LGR6: variants seen among roughly 807,000 people sequenced by gnomAD.
LGR6 encodes the protein leucine rich repeat containing G protein-coupled receptor 6.
In LGR6, 45 loss-of-function variants were observed where a neutral mutation model predicts 69.4. The ratio of observed to expected loss-of-function variants is 0.65; its 90% CI spans 0.51 to 0.83. LGR6 has a LOEUF of 0.83. Ranked by LOEUF, LGR6 falls within the 40% of genes least tolerant of loss-of-function variation. LGR6 has a pLI of 0.00. For missense variants in LGR6, 1,108 were observed against 1,246.7 expected, an observed-to-expected ratio of 0.89 and a Z score of 1.68; for synonymous variants, 538 against 555.0, an observed-to-expected ratio of 0.97 and a Z score of 0.43.
At chr1:202,254,217 A>T (rs908172683) in intron 4 of LGR6, among the ~76,000 whole-genome samples, 2 of 152,136 alleles carry the variant, frequency 1.3e-5, no homozygotes, top group African/African-American at 4.8e-5. Context: ...GAGTGCTGGG[A>T]TTACAGGCAT....
intron 3 of LGR6, among the ~76,000 whole-genome samples, chr1:202,228,950 C>T (rs779020511): frequency 2.0e-5 from 3 of 152,112 alleles, no homozygotes; most frequent in Non-Finnish European, 4.4e-5. Flanking sequence ...TACAGTTGAG[C>T]AGGTTGTTCA....
intron 4 of LGR6, among the ~76,000 whole-genome samples, chr1:202,238,671 CGTCGGCCTCCCAAAGTGCTGG>C (rs1270703734): frequency 3.9e-5 from 6 of 151,912 alleles, no homozygotes; most frequent in Non-Finnish European, 7.4e-5. Flanking sequence ...GATTCACCTG[CGTCGGCCTCCCAAAGTGCTGG>C]GATTACAGGC....
In LGR6 at chr1:202,318,139, C is replaced by T. The variant is rs1224942248; in HGVS notation, c.1836C>T (p.Gly612=). 8.7e-6 allele frequency: 14 copies of T among 1,614,158 alleles called. No individual in the cohort carries two copies. Among genetic ancestry groups the T allele is most frequent in the Middle Eastern group, 1.6e-4 (1 of 6,062 alleles). The change falls in exon 18 of 18, where the codon GGC becomes GGT. Residue 612 remains glycine, a synonymous_variant. Coordinates refer to ENST00000367278, the MANE Select transcript of LGR6 (RefSeq NM_001017403.2). ...TTGCAGGCGCCAACACCTTGACTGG[C>T]ATTTCCTGTGGCCTTCTAGCCTCAG... ...GAIAGANTLT[G]ISCGLLASVD... is the part of the protein sequence containing the mutation.
rs1029770577 is a variant in LGR6 at position 202,276,348 on chromosome 1, C to G, written c.471C>G (p.Ser157Arg). Residue 157 changes from serine to arginine, a missense_variant, in exon 5 of 18, where the codon AGC becomes AGG. Ser to Arg is a moderately radical substitution (Grantham distance 110). Coordinates refer to ENST00000367278, the MANE Select transcript of LGR6 (RefSeq NM_001017403.2). ...TCATCTCCCTGGTCCCGGAGAGGAGCTTTGAGGGGCTGTCCTCCCTCCGCC... is the reference window on the plus strand; with the variant it reads ...TCATCTCCCTGGTCCCGGAGAGGAGGTTTGAGGGGCTGTCCTCCCTCCGCC... ...ANLISLVPER[S>R]FEGLSSLRHL... 5 of 1,614,198 alleles carry G rather than the reference C, an allele frequency of 3.1e-6. No individual in the cohort carries two copies. The highest frequency in any genetic ancestry group is 4.2e-6 in the Non-Finnish European group (5 of 1,180,040).
chr1:202,222,679 C>A (rs1660249647), intron 1 of LGR6, among the ~76,000 whole-genome samples: 2 of 152,226 alleles, frequency 1.3e-5, no homozygotes, highest in South Asian at 4.1e-4. Flanking sequence ...AGCTTCTGCG[C>A]TTGGGTTTCT....
chr1:202,231,072 C>T lies in LGR6; in HGVS notation c.356+3065C>T, dbSNP rs556177725. On this transcript the variant is annotated intron_variant, in intron 3 of 17. Transcript: ENST00000367278. ...GGCTCTTAGAAGGCAGCTCCTGCTT[C>T]CTGAGCTGCGGCCCATCCCATATGA... is the stretch of plus-strand genomic sequence containing the variant. Among the ~76,000 whole-genome samples the T allele has an allele frequency of 9.2e-5, 14 of 152,340 alleles. No homozygotes were observed. In the South Asian group the frequency reaches 2.9e-3, roughly 32 times the overall value.
chr1:202,200,909 G>A (rs750821888), intron 1 of LGR6, among the ~76,000 whole-genome samples: 10 of 152,204 alleles, frequency 6.6e-5, no homozygotes, highest in Admixed American at 1.3e-4. Flanking sequence ...TGGGCAGGCC[G>A]GCGGCTGGCG....
chr1:202,307,297 T>C (rs747028683), intron 13 of LGR6, 33 bp from the exon 14 acceptor site: 15 of 1,604,344 alleles, frequency 9.3e-6, no homozygotes, highest in Non-Finnish European at 1.3e-5. Flanking sequence ...CACATGTTAC[T>C]GTCCCCTCCT....
intron 4 of LGR6, among the ~76,000 whole-genome samples, chr1:202,247,942 C>A (rs1003895421): frequency 1.3e-5 from 2 of 152,200 alleles, no homozygotes; most frequent in African/African-American, 2.4e-5. Context: ...TCCTCCTCCC[C>A]AGCGCCTCAG....
At chr1:202,275,656 CCTTG>C (rs1266262601) in intron 4 of LGR6, among the ~76,000 whole-genome samples, 1 of 152,058 alleles carries the variant, frequency 6.6e-6, no homozygotes, top group African/African-American at 2.4e-5. Context: ...CCCCCTGGGC[CCTTG>C]AAGGGACAAG....
intron 1 of LGR6, among the ~76,000 whole-genome samples, chr1:202,209,323 C>G (rs1659374864): frequency 6.6e-6 from 1 of 152,216 alleles, no homozygotes. Flanking sequence ...GGAGGGGCTG[C>G]CTGCTGCTGA....
Position 202,194,208 on chromosome 1 carries a change from A to G in LGR6, c.212+7A>G. The G allele has an allele frequency of 6.5e-7, 1 of 1,544,328 alleles. No homozygotes were observed. Among genetic ancestry groups the G allele is most frequent in the Non-Finnish European group, 8.7e-7 (1 of 1,152,612 alleles). ...ACCCCCTGACGGCTTACCTGTGAGT[A>G]CTGCCCGCCTGTCCCCGCCTGGTCC... On this transcript the variant is annotated splice_region_variant and intron_variant, in intron 1 of 17. Coordinates refer to ENST00000367278, the MANE Select transcript of LGR6 (RefSeq NM_001017403.2).
chr1:202,200,293 C>G (rs1351766228), intron 1 of LGR6, among the ~76,000 whole-genome samples: 2 of 152,204 alleles, frequency 1.3e-5, no homozygotes, highest in Non-Finnish European at 2.9e-5. Flanking sequence ...CAGCTTCTCC[C>G]CAGAAATCAG....
chr1:202,195,206 C>T (rs1557999426), intron 1 of LGR6, among the ~76,000 whole-genome samples: 1 of 152,202 alleles, frequency 6.6e-6, no homozygotes, highest in Non-Finnish European at 1.5e-5. Context: ...GGGCTAGGAT[C>T]CCAGAGTTCC....
At chr1:202,294,581 A>G (rs970041146) in intron 6 of LGR6, among the ~76,000 whole-genome samples, 1 of 152,146 alleles carries the variant, frequency 6.6e-6, no homozygotes, top group East Asian at 1.9e-4. Flanking sequence ...CTGTATCCAC[A>G]TGGCCCTCAT....
chr1:202,261,053 A>C (rs1191504620), intron 4 of LGR6, among the ~76,000 whole-genome samples: 1 of 151,958 alleles, frequency 6.6e-6, no homozygotes, highest in African/African-American at 2.4e-5. Context: ...AATCTACACT[A>C]TTCTTTCAGC....
chr1:202,267,782 CTA>C (rs989839302), intron 4 of LGR6, among the ~76,000 whole-genome samples: 3 of 152,286 alleles, frequency 2.0e-5, no homozygotes, highest in Non-Finnish European at 4.4e-5. Flanking sequence ...TGGAAAGAGA[CTA>C]TGTGTTATTC....
At chr1:202,248,516 G>T (rs912812850) in intron 4 of LGR6, among the ~76,000 whole-genome samples, 1 of 152,020 alleles carries the variant, frequency 6.6e-6, no homozygotes, top group African/African-American at 2.4e-5. Context: ...GAGACTTGGA[G>T]CCAGCTCCTT....
chr1:202,242,381 G>A (rs1203672431), intron 4 of LGR6, among the ~76,000 whole-genome samples: 1 of 152,144 alleles, frequency 6.6e-6, no homozygotes, highest in Non-Finnish European at 1.5e-5. Flanking sequence ...TTGGGTTCAA[G>A]TCCTAGCTCT....
Sources: allele counts gnomAD v4.1 joint callset (sites outside exome capture counted in the v4.1 genomes callset), GRCh38; gene constraint gnomAD v4.1.1; transcripts MANE v1.5; gene names NCBI Gene and HGNC (gene_info 2026-07-23, HGNC 2026-07-21).